NOX5: variants seen among roughly 807,000 people sequenced by gnomAD.
The protein encoded by NOX5 is NADPH oxidase, EF-hand calcium binding domain 5.
A neutral mutation model predicts 85.7 loss-of-function variants in NOX5; 76 were observed. The ratio of observed to expected loss-of-function variants is 0.89; its 90% confidence interval spans 0.74 to 1.07. The LOEUF (loss-of-function observed/expected upper bound fraction) is 1.07. Among genes scored for constraint, NOX5 ranks in the 50% least tolerant of loss-of-function variants. The pLI is 0.00. For missense variants in NOX5, 973 were observed against 999.5 expected (o/e 0.97, Z 0.36); for synonymous variants, 405 against 401.4 (o/e 1.01, Z -0.11).
Position 69,014,746 on chromosome 15 carries a change from C to A in NOX5, c.11C>A (p.Ser4Tyr), listed in dbSNP as rs1160859677. The A allele has an allele frequency of 6.4e-7, 1 of 1,550,650 alleles. No individual in the cohort carries two copies. The change falls in exon 1 of 16, where the codon TCT becomes TAT. Residue 4 changes from serine to tyrosine, a missense_variant. Physicochemically the swap from Ser to Tyr is moderately radical, Grantham distance 144. Transcript: ENST00000388866. ...AGAAGACAGGAGAAGATGAACACAT[C>A]TGGAGACCCAGCCCAGACGGGCCCT... is the stretch of plus-strand genomic sequence containing the variant. MNT[S>Y]GDPAQTGPEG...
chr15:69,047,350 C>T lies in NOX5; in HGVS notation c.1693-63C>T, dbSNP rs183195441. The T allele has an allele frequency of 6.3e-4, 942 of 1,491,916 alleles. 5 individuals are homozygous for T. In the African/African-American group the frequency reaches 0.012, roughly 19 times the overall value. The allele number at this position is 1,491,916 out of a possible 1,614,324, so 92.4% of individuals were successfully genotyped here. On this transcript the variant is annotated intron_variant, in intron 11 of 15. Coordinates refer to ENST00000388866, the MANE Select transcript of NOX5 (RefSeq NM_024505.4). ...GGTTCTGAAGCCCTGGGGACATCCC[C>T]TGGTAGCAGGGGAGACCAGCGTCAC...
intron 11 of NOX5, 68 bp downstream of exon 11, chr15:69,046,934 C>G: frequency 6.5e-7 from 1 of 1,545,620 alleles, no homozygotes; most frequent in Non-Finnish European, 8.9e-7. Context: ...AAGTCTTTGC[C>G]TTTAAGGAGG....
rs2050687961 is a variant in NOX5 at position 69,047,417 on chromosome 15, A to G, written c.1697A>G (p.Tyr566Cys). Residue 566 changes from tyrosine (Y) to cysteine (C), a missense_variant, in exon 12 of 16, where the codon TAC (tyrosine) becomes TGC (cysteine). Transcript: ENST00000388866. Reference protein sequence around the residue: ...EKHKFCNIKCYIDGPYGTPTR... With the variant: ...EKHKFCNIKCCIDGPYGTPTR... The stretch of plus-strand genomic sequence containing the variant: ...CTGATGCCCTCTTGTGCACAGTGCT[A>G]CATCGATGGGCCTTATGGGACCCCC... 1.9e-6 allele frequency: 3 copies of G among 1,612,896 alleles called. No homozygotes were observed. Among genetic ancestry groups the G allele is most frequent in the South Asian group, 1.1e-5 (1 of 90,900 alleles).
At chr15:69,032,462 G>A (rs2050449474) in intron 4 of NOX5, among the ~76,000 whole-genome samples, 1 of 151,654 alleles carries the variant, frequency 6.6e-6, no homozygotes, top group Non-Finnish European at 1.5e-5. Context: ...CCAGGCTGGG[G>A]TGCAGTGGTA....
Position 69,055,073 on chromosome 15 carries a change from T to C in NOX5, c.2000-261T>C, listed in dbSNP as rs573155262. Among the ~76,000 whole-genome samples the C allele has an allele frequency of 3.9e-5, 6 of 152,140 alleles. No homozygotes were observed. In the South Asian group the frequency reaches 1.2e-3, roughly 32 times the overall value. On this transcript the variant is annotated intron_variant, in intron 14 of 15. Coordinates refer to ENST00000388866, the MANE Select transcript of NOX5 (RefSeq NM_024505.4). The stretch of plus-strand genomic sequence containing the variant: ...TCCACAAAAATACTAAATAAATAAA[T>C]ATAAAAGATCTAACTCTTGGAGTGG...
intron 1 of NOX5, among the ~76,000 whole-genome samples, chr15:69,015,818 C>T (rs901774337): frequency 2.0e-4 from 31 of 151,440 alleles, no homozygotes; most frequent in African/African-American, 5.1e-4. Flanking sequence ...GATGGGAAGG[C>T]GGCTTCAGCT....
At chr15:69,015,690 A>G (rs2050222869) in intron 1 of NOX5, among the ~76,000 whole-genome samples, 2 of 152,030 alleles carry the variant, frequency 1.3e-5, no homozygotes, top group South Asian at 4.1e-4. Flanking sequence ...AACATATTGC[A>G]GTTTGGGAAC....
intron 1 of NOX5, among the ~76,000 whole-genome samples, chr15:69,020,877 G>C (rs2050287921): frequency 6.6e-6 from 1 of 151,974 alleles, no homozygotes. Context: ...AATTAAGAAT[G>C]AATTTTGAAC....
intron 14 of NOX5, among the ~76,000 whole-genome samples, chr15:69,052,662 A>G (rs2050763792): frequency 6.6e-6 from 1 of 152,262 alleles, no homozygotes; most frequent in African/African-American, 2.4e-5. Flanking sequence ...ATTTTCTACA[A>G]GAAACTATCC....
In NOX5 at chr15:69,026,553, A is replaced by G; in HGVS notation, c.76A>G (p.Arg26Gly). The change falls in exon 2 of 16, where the codon AGG becomes GGG. Residue 26 changes from arginine to glycine, a missense_variant. Coordinates refer to ENST00000388866, the MANE Select transcript of NOX5 (RefSeq NM_024505.4). ...RGTMSAEEDA[R>G]WLRWVTQQFK... ...CACCATGAGTGCCGAGGAGGATGCCAGGTGGCTCCGGTGGGTGACTCAGCA... is the reference window on the plus strand; with the variant it reads ...CACCATGAGTGCCGAGGAGGATGCCGGGTGGCTCCGGTGGGTGACTCAGCA... The G allele has an allele frequency of 6.2e-7, 1 of 1,614,152 alleles. No homozygotes were observed. The highest frequency in any genetic ancestry group is 8.5e-7 in the Non-Finnish European group (1 of 1,180,006).
Position 69,047,911 on chromosome 15 carries a change from G to A in NOX5, c.1899G>A (p.Lys633=), listed in dbSNP as rs368774817. The change falls in exon 13 of 16, where the codon AAG becomes AAA. Residue 633 remains lysine (K), a splice_region_variant and synonymous_variant. Transcript: ENST00000388866. ...TCCAAGACAACATGAAGCTCCATAA[G>A]GTGAGTACCACCTCCTGCAGGCAGG... ...EGVQDNMKLH[K]VDFIWINRDQ... 1 of 1,614,066 alleles carries A rather than the reference G, an allele frequency of 6.2e-7. No homozygotes were observed. Among genetic ancestry groups the A allele is most frequent in the East Asian group, 2.2e-5 (1 of 44,874 alleles).
In NOX5 at chr15:69,033,056, C is replaced by G. The variant is rs777941352; in HGVS notation, c.634C>G (p.Leu212Val). The change falls in exon 5 of 16, where the codon CTG becomes GTG. Residue 212 changes from leucine (L) to valine (V), a missense_variant. Coordinates refer to ENST00000388866, the MANE Select transcript of NOX5 (RefSeq NM_024505.4). ...CCTCTCTCGCAGCGCTGCCCACTGG[C>G]TGACGGCCCCCGCCCCCCGCCCACG... ...ENLTISAAHW[L>V]TAPAPRPRPR... is the part of the protein sequence containing the mutation. 5.1e-6 allele frequency: 8 copies of G among 1,554,180 alleles called. No individual in the cohort carries two copies. Among genetic ancestry groups the G allele is most frequent in the Non-Finnish European group, 6.9e-6 (8 of 1,164,476 alleles).
intron 3 of NOX5, 136 bp downstream of exon 3, chr15:69,028,501 G>A (rs1378424957): frequency 5.5e-6 from 4 of 728,700 alleles, no homozygotes; most frequent in Non-Finnish European, 8.6e-6. Flanking sequence ...TTCTCCAGGT[G>A]AGGCTGACAC....
chr15:69,049,071 CAGGGCCTG>C lies in NOX5; in HGVS notation c.1999+19_1999+26del. 1 of 1,597,266 alleles carries C rather than the reference CAGGGCCTG, an allele frequency of 6.3e-7. No homozygotes were observed. The highest frequency in any genetic ancestry group is 1.3e-5 in the African/African-American group (1 of 74,748). ...GAGGCTCAATACGGTAAGAGAGGGA[CAGGGCCTG>C]AGGGCAGTAGGAGTAGGGCAGGGGC... On this transcript the variant is annotated intron_variant, in intron 14 of 15. Coordinates refer to ENST00000388866, the MANE Select transcript of NOX5 (RefSeq NM_024505.4).
intron 1 of NOX5, among the ~76,000 whole-genome samples, chr15:69,015,967 C>G (rs1271500582): frequency 1.3e-5 from 2 of 152,072 alleles, no homozygotes; most frequent in African/African-American, 4.8e-5. Context: ...CAGTGGTTCT[C>G]TGGGGCTGGT....
At chr15:69,028,142 G>A (rs2050382985) in intron 2 of NOX5, 73 bp from the exon 3 acceptor site, 1 of 1,492,096 alleles carries the variant, frequency 6.7e-7, no homozygotes, top group African/African-American at 1.4e-5. Flanking sequence ...CAGACACAGG[G>A]AGACAGTGAA....
chr15:69,047,653 C>T (rs2050692652), intron 12 of NOX5, 116 bp downstream of exon 12: 2 of 1,403,230 alleles, frequency 1.4e-6, no homozygotes, highest in East Asian at 5.0e-5. Flanking sequence ...TCTCTCTGCT[C>T]TTCTCTCTCT....
chr15:69,060,559 G>A lies in NOX5; in HGVS notation c.*3863G>A, dbSNP rs1293689870. The A allele has an allele frequency of 6.6e-6, 1 of 152,222 alleles. No homozygotes were observed. Among genetic ancestry groups the A allele is most frequent in the Non-Finnish European group, 1.5e-5 (1 of 68,040 alleles). The allele number at this position is 152,222 out of a possible 1,614,324, so 9.4% of individuals were successfully genotyped here. On this transcript the variant is annotated 3_prime_UTR_variant, in exon 16 of 16. Coordinates refer to ENST00000388866, the MANE Select transcript of NOX5 (RefSeq NM_024505.4). ...TATATTTATCTGTGTGCTCTGGGGA[G>A]TGGGAATGGAGGGATACAATGAAGG... is the stretch of plus-strand genomic sequence containing the variant.
chr15:69,041,498 A>G (rs920948960), intron 9 of NOX5, among the ~76,000 whole-genome samples: 1 of 152,252 alleles, frequency 6.6e-6, no homozygotes, highest in African/African-American at 2.4e-5. Context: ...CCCCAGGAGC[A>G]TTAATGATAC....
Sources: gnomAD v4.1 joint callset for allele counts (sites outside exome capture counted in the v4.1 genomes callset) on GRCh38, gnomAD v4.1.1 for gene constraint, MANE v1.5 for transcripts, NCBI Gene and HGNC (gene_info 2026-07-23, HGNC 2026-07-21) for gene names.